The following SUN1 variants were observed in gnomAD, a reference collection of about 807,000 sequenced individuals.
SUN1 encodes Sad1 and UNC84 domain containing 1.
In SUN1, 61 loss-of-function variants were observed where a neutral mutation model predicts 103.2. That is an observed-to-expected ratio of 0.59 (90% CI 0.48 to 0.73). The LOEUF is 0.73. Ranked by LOEUF, SUN1 falls within the 30% of genes least tolerant of loss-of-function variation. The probability of loss-of-function intolerance (pLI) is 0.00; values close to 1 mark genes in which losing one functional copy is unlikely to be tolerated. For missense variants in SUN1, 1,052 were observed against 1,034.6 expected (o/e 1.02, Z -0.23); for synonymous variants, 490 against 425.7 (o/e 1.15, Z -1.86).
intron 17 of SUN1, among the ~76,000 whole-genome samples, chr7:869,720 T>G (rs1273319548): frequency 2.0e-5 from 3 of 152,154 alleles, no homozygotes; most frequent in Admixed American, 1.3e-4. Context: ...CCATTTTACA[T>G]ACAGTACTAC....
chr7:843,740 A>G, intron 5 of SUN1: 3 of 1,425,908 alleles, frequency 2.1e-6, no homozygotes, highest in Non-Finnish European at 2.8e-6. Context: ...TTGAAATTCT[A>G]TAAATTTGGA....
intron 1 of SUN1, among the ~76,000 whole-genome samples, chr7:820,678 GT>G (rs1444801768): frequency 6.6e-6 from 1 of 152,150 alleles, no homozygotes; most frequent in Non-Finnish European, 1.5e-5. Flanking sequence ...CATTCACTGA[GT>G]TTTTCATAGA....
intron 17 of SUN1, among the ~76,000 whole-genome samples, chr7:869,734 G>C (rs1228595319): frequency 6.6e-6 from 1 of 152,122 alleles, no homozygotes; most frequent in Non-Finnish European, 1.5e-5. Flanking sequence ...GTACTACACT[G>C]ACCAAGGTAG....
chr7:837,078 A>C (rs1804045488), intron 1 of SUN1, among the ~76,000 whole-genome samples: 3 of 152,186 alleles, frequency 2.0e-5, no homozygotes, highest in Admixed American at 1.3e-4. Context: ...AGCTTGGGAG[A>C]AAGCGTCTAG....
intron 1 of SUN1, among the ~76,000 whole-genome samples, chr7:833,709 C>G (rs905688425): frequency 5.9e-5 from 9 of 152,212 alleles, no homozygotes; most frequent in Non-Finnish European, 1.2e-4. Flanking sequence ...TTAGTCAGAG[C>G]TCACATTCGA....
rs779680195 is a variant in SUN1 at position 854,917 on chromosome 7, A to G, written c.1264-3A>G. On this transcript the variant is annotated splice_region_variant and splice_polypyrimidine_tract_variant and intron_variant, in intron 10 of 18. Coordinates refer to ENST00000401592, the MANE Select transcript of SUN1 (RefSeq NM_001130965.3). ...CATTTGTTCACTCCTTCTCTTTCCT[A>G]AGACTGACTTTATGGCCTTTCACCA... The G allele has an allele frequency of 1.2e-6, 2 of 1,610,548 alleles. No homozygotes were observed. Among genetic ancestry groups the G allele is most frequent in the Admixed American group, 1.7e-5 (1 of 59,410 alleles).
Position 864,653 on chromosome 7 carries a change from G to T in SUN1, c.1865-1299G>T, listed in dbSNP as rs1287093617. Among the ~76,000 whole-genome samples the T allele has an allele frequency of 1.7e-4, 12 of 71,410 alleles. No homozygotes were observed. In the East Asian group the frequency reaches 4.9e-3, roughly 29 times the overall value. The allele number at this position is 71,410 out of a possible 152,430, so 46.8% of individuals were successfully genotyped here. ...TGCATTCATTTTTCGTAGAGACAAA[G>T]AGTCTCGCTCTGTCGCCCAGGCTGG... On this transcript the variant is annotated intron_variant, in intron 15 of 18. Coordinates refer to ENST00000401592, the MANE Select transcript of SUN1 (RefSeq NM_001130965.3).
At chr7:840,526 T>G (rs1165796246) in intron 2 of SUN1, among the ~76,000 whole-genome samples, 1 of 152,230 alleles carries the variant, frequency 6.6e-6, no homozygotes. Context: ...TTCATCGTCC[T>G]GGGTTCCCCC....
chr7:837,657 A>G (rs1804766444), intron 1 of SUN1, among the ~76,000 whole-genome samples: 1 of 152,162 alleles, frequency 6.6e-6, no homozygotes, highest in Non-Finnish European at 1.5e-5. Context: ...TCCCCCAAAC[A>G]TTGCAGAAAA....
chr7:861,109 T>G (rs78283940), intron 14 of SUN1, among the ~76,000 whole-genome samples: 6,626 of 152,248 alleles, frequency 0.044, 150 homozygotes, highest in Middle Eastern at 0.054. Flanking sequence ...TTATGGCATC[T>G]GGGGGATTTT....
At chr7:819,279 G>A (rs541271076) in intron 1 of SUN1, among the ~76,000 whole-genome samples, 1 of 150,182 alleles carries the variant, frequency 6.7e-6, no homozygotes, top group East Asian at 1.9e-4. Context: ...CTTTCTCCCA[G>A]TCTTTGGATT....
In SUN1 at chr7:842,142, C is replaced by G. The variant is rs751951307; in HGVS notation, c.451+12C>G. On this transcript the variant is annotated intron_variant, in intron 3 of 18. Coordinates refer to ENST00000401592, the MANE Select transcript of SUN1 (RefSeq NM_001130965.3). ...GGACCACTTCTGGGGTGAGTCCCTG[C>G]GAGACACAGATTGTCCCGCCTACAG... 1 of 1,605,746 alleles carries G rather than the reference C, an allele frequency of 6.2e-7. No individual in the cohort carries two copies.
intron 5 of SUN1, among the ~76,000 whole-genome samples, chr7:848,954 A>C (rs1285492912): frequency 6.6e-6 from 1 of 152,110 alleles, no homozygotes; most frequent in African/African-American, 2.4e-5. Flanking sequence ...TTTTTTCAGA[A>C]CTTTTTTTCT....
chr7:818,664 A>C (rs561106970), intron 1 of SUN1, among the ~76,000 whole-genome samples: 1 of 152,346 alleles, frequency 6.6e-6, no homozygotes, highest in African/African-American at 2.4e-5. Context: ...CATTGGCAAC[A>C]AGTGAGTTCA....
At chr7:828,990 C>T (rs1321269918), upstream of SUN1, among the ~76,000 whole-genome samples, 1 of 152,214 alleles carries the variant, frequency 6.6e-6, no homozygotes, top group Admixed American at 6.5e-5. Flanking sequence ...GACACACACT[C>T]GTGTGGAACA....
At chr7:843,786 A>T in intron 5 of SUN1, 1 of 1,421,410 alleles carries the variant, frequency 7.0e-7, no homozygotes, top group Non-Finnish European at 9.2e-7. Context: ...TACGTAAGCG[A>T]AACTAATAAA....
intron 1 of SUN1, chr7:817,536 G>T (rs1583624246): frequency 2.0e-6 from 3 of 1,534,416 alleles, no homozygotes; most frequent in Non-Finnish European, 2.6e-6. Flanking sequence ...CTCTCGCTTT[G>T]CAGCTTGTGG....
intron 1 of SUN1, 79 bp from the exon 2 acceptor site, chr7:838,719 T>A: frequency 7.3e-7 from 1 of 1,371,472 alleles, no homozygotes; most frequent in Non-Finnish European, 9.7e-7. Context: ...CATTGCACTT[T>A]CAGTTTATGG....
chr7:871,523 G>C (rs1315248651), intron 17 of SUN1, among the ~76,000 whole-genome samples: 1 of 152,194 alleles, frequency 6.6e-6, no homozygotes, highest in East Asian at 1.9e-4. Context: ...GAGTAGCCGG[G>C]ACCACAGGCG....
Sources: allele counts gnomAD v4.1 joint callset (sites outside exome capture counted in the v4.1 genomes callset), GRCh38; gene constraint gnomAD v4.1.1; transcripts MANE v1.5; gene names NCBI Gene and HGNC (gene_info 2026-07-23, HGNC 2026-07-21).